The following ALG14 variants were observed in gnomAD, a reference collection of about 807,000 sequenced individuals.
ALG14 encodes the protein ALG14 UDP-N-acetylglucosaminyltransferase subunit.
In ALG14, 17 loss-of-function variants were observed where a neutral mutation model predicts 22.8. That is an observed-to-expected ratio of 0.75 (90% confidence interval 0.51 to 1.12). The LOEUF (loss-of-function observed/expected upper bound fraction) is 1.12, where lower values mean the gene tolerates loss of function less well. Ranked by LOEUF, ALG14 falls within the 50% of genes most tolerant of loss-of-function variation. ALG14 has a pLI of 0.00. For synonymous variants in ALG14, 89 were observed against 103.7 expected (o/e 0.86, Z 0.86); for missense variants, 288 against 271.8 (o/e 1.06, Z -0.42).
chr1:95,056,375 T>C (rs1236322697), intron 2 of ALG14, among the ~76,000 whole-genome samples: 1 of 152,198 alleles, frequency 6.6e-6, no homozygotes, highest in East Asian at 1.9e-4. Flanking sequence ...CCAGGCACGG[T>C]GGCTCATGTT....
chr1:95,065,120 G>T, intron 1 of ALG14, 103 bp from the exon 2 acceptor site: 3 of 977,800 alleles, frequency 3.1e-6, no homozygotes, highest in Non-Finnish European at 4.3e-6. Flanking sequence ...GGGTGGGGGG[G>T]CACTGTAATT....
At chr1:95,012,770 T>C (rs1055865837) in intron 3 of ALG14, among the ~76,000 whole-genome samples, 7 of 152,194 alleles carry the variant, frequency 4.6e-5, no homozygotes, top group African/African-American at 1.7e-4. Flanking sequence ...AGTTCAAAAC[T>C]GATATCACAG....
In ALG14 at chr1:95,072,841, G is replaced by A; in HGVS notation, c.58C>T (p.Leu20=). The change falls in exon 1 of 4, where the codon CTG becomes TTG. Residue 20 remains leucine (L), a synonymous_variant. Coordinates refer to ENST00000370205, the MANE Select transcript of ALG14 (RefSeq NM_144988.4). ...GAACGAAGCACTACCCATATTCGCA[G>A]GATTAGGAAAACCGCCACAGCTCCT... ...AAGAVAVFLI[L]RIWVVLRSMD... 1 of 1,614,168 alleles carries A rather than the reference G, an allele frequency of 6.2e-7. No individual in the cohort carries two copies. Among genetic ancestry groups the A allele is most frequent in the Non-Finnish European group, 8.5e-7 (1 of 1,180,040 alleles).
chr1:94,997,403 C>T (rs911850100), intron 3 of ALG14, among the ~76,000 whole-genome samples: 24 of 152,172 alleles, frequency 1.6e-4, no homozygotes, highest in Non-Finnish European at 3.1e-4. Flanking sequence ...AGATTCTCAA[C>T]CACTATGGTG....
At chr1:94,988,595 G>A (rs1255307129) in intron 3 of ALG14, among the ~76,000 whole-genome samples, 1 of 152,168 alleles carries the variant, frequency 6.6e-6, no homozygotes, top group East Asian at 1.9e-4. Context: ...AGGGTTTACA[G>A]AATGGAATGA....
At chr1:95,027,411 CATGCTTTAT>C (rs1222692738) in intron 2 of ALG14, 151 bp from the exon 3 acceptor site, 1 of 952,588 alleles carries the variant, frequency 1.0e-6, no homozygotes, top group Admixed American at 2.6e-5. Flanking sequence ...ATGCCTATCT[CATGCTTTAT>C]ATAACACATC....
intron 3 of ALG14, among the ~76,000 whole-genome samples, chr1:95,007,618 C>G (rs1489573860): frequency 1.3e-5 from 2 of 152,198 alleles, no homozygotes; most frequent in Non-Finnish European, 1.5e-5. Flanking sequence ...TGGCTATTGC[C>G]AACATGTTGT....
intron 2 of ALG14, among the ~76,000 whole-genome samples, chr1:95,059,397 C>CA (rs67569341): frequency 0.095 from 7,378 of 77,932 alleles, 639 homozygotes; most frequent in African/African-American, 0.18. Context: ...GACTCTGTCT[C>CA]AAAAAAAAAA....
chr1:95,010,287 G>A (rs1320890917), intron 3 of ALG14, among the ~76,000 whole-genome samples: 2 of 151,978 alleles, frequency 1.3e-5, no homozygotes, highest in Non-Finnish European at 2.9e-5. Flanking sequence ...TTCAACTATT[G>A]CCAAATCAAT....
chr1:94,998,933 C>G (rs146494932), intron 3 of ALG14, among the ~76,000 whole-genome samples: 36 of 152,180 alleles, frequency 2.4e-4, no homozygotes, highest in African/African-American at 7.5e-4. Context: ...TTGTACAAAG[C>G]AGGTACACAC....
Position 94,977,854 on chromosome 1 carries a change from T to C in ALG14, c.*5222A>G, listed in dbSNP as rs1278779880. The C allele has an allele frequency of 6.6e-6, 1 of 152,078 alleles. No individual in the cohort carries two copies. The highest frequency in any genetic ancestry group is 1.5e-5 in the Non-Finnish European group (1 of 68,064). The allele number at this position is 152,078 out of a possible 1,614,324, so 9.4% of individuals were successfully genotyped here. A position where few individuals can be genotyped will look rare whatever the true frequency, so the allele number is the denominator to read the frequency against. On this transcript the variant is annotated 3_prime_UTR_variant, in exon 4 of 4. Coordinates refer to ENST00000370205, the MANE Select transcript of ALG14 (RefSeq NM_144988.4). ...TTTGTAGAGATGGGGTTTTACTGTGTTGCCCAGGCTGATCTCAAACTCCTG... is the reference window on the plus strand; with the variant it reads ...TTTGTAGAGATGGGGTTTTACTGTGCTGCCCAGGCTGATCTCAAACTCCTG...
At chr1:95,016,677 A>G (rs1445914805) in intron 3 of ALG14, among the ~76,000 whole-genome samples, 1 of 152,186 alleles carries the variant, frequency 6.6e-6, no homozygotes, top group African/African-American at 2.4e-5. Flanking sequence ...CAATAAGCCC[A>G]CTGCCTTCAT....
chr1:95,006,901 C>A (rs540551671), intron 3 of ALG14, among the ~76,000 whole-genome samples: 1 of 152,246 alleles, frequency 6.6e-6, no homozygotes, highest in Non-Finnish European at 1.5e-5. Context: ...TTTCATATTT[C>A]CTCACCATCT....
At position 95,033,599 on chromosome 1, in the gene ALG14, C is replaced by G. The variant is rs146158751; in HGVS notation, c.289-6339G>C. 3.6e-3 allele frequency among the ~76,000 whole-genome samples: 554 copies of G among 152,054 alleles called. 4 individuals carry two copies. Among genetic ancestry groups the G allele is most frequent in the African/African-American group, 0.012 (512 of 41,478 alleles). On this transcript the variant is annotated intron_variant, in intron 2 of 3. Transcript: ENST00000370205. ...CCTTCTGTATTCCCAAGGTAGAAAT[C>G]AACAAATCAACAGTAAAATCTATCA...
intron 2 of ALG14, among the ~76,000 whole-genome samples, chr1:95,046,973 A>AAACAT (rs56232245): frequency 0.2 from 29,052 of 144,616 alleles, 3,118 homozygotes; most frequent in East Asian, 0.26. Flanking sequence ...TCTCACAAAA[A>AAACAT]AACATAACAT....
chr1:95,044,090 A>G (rs1422492076), intron 2 of ALG14, among the ~76,000 whole-genome samples: 1 of 152,188 alleles, frequency 6.6e-6, no homozygotes, highest in South Asian at 2.1e-4. Flanking sequence ...TGCTCAGAAC[A>G]GCTTTGTAGT....
chr1:94,995,535 A>T (rs1159286935), intron 3 of ALG14, among the ~76,000 whole-genome samples: 2 of 152,166 alleles, frequency 1.3e-5, no homozygotes, highest in Non-Finnish European at 2.9e-5. Context: ...CAACATGGTA[A>T]AACTCCGTCT....
intron 2 of ALG14, among the ~76,000 whole-genome samples, chr1:95,038,464 G>A (rs149044449): frequency 2.6e-5 from 4 of 152,104 alleles, no homozygotes; most frequent in African/African-American, 7.2e-5. Flanking sequence ...ACTCTAGTCT[G>A]GTGACAGAGT....
chr1:95,065,045 T>C (rs1389492441), intron 1 of ALG14, 28 bp from the exon 2 acceptor site: 5 of 1,593,688 alleles, frequency 3.1e-6, no homozygotes, highest in East Asian at 2.3e-5. Context: ...AGTCCTAAGA[T>C]TAAGAAACCC....
Sources: gnomAD v4.1 joint callset for allele counts (sites outside exome capture counted in the v4.1 genomes callset) on GRCh38, gnomAD v4.1.1 for gene constraint, MANE v1.5 for transcripts, NCBI Gene and HGNC (gene_info 2026-07-23, HGNC 2026-07-21) for gene names.